The following EBF2 variants were observed in gnomAD, a reference collection of about 807,000 sequenced individuals.
EBF2 encodes transcription factor COE2.
EBF2 carries 21 observed loss-of-function variants against 72.8 expected under a neutral mutation model. That is an observed-to-expected ratio of 0.29 (90% confidence interval 0.20 to 0.42). The LOEUF (loss-of-function observed/expected upper bound fraction) is 0.42, where lower values mean the gene tolerates loss of function less well. EBF2 is among the 10% of genes least tolerant of loss of function. The probability of loss-of-function intolerance (pLI) is 1.00; values close to 1 mark genes in which losing one functional copy is unlikely to be tolerated. For synonymous variants in EBF2, 299 were observed against 274.2 expected (o/e 1.09, Z -0.89); for missense variants, 637 against 731.2 (o/e 0.87, Z 1.49).
At chr8:25,866,619 TTATATA>T (rs377309056) in intron 10 of EBF2, among the ~76,000 whole-genome samples, 44 of 117,324 alleles carry the variant, frequency 3.8e-4, no homozygotes, top group African/African-American at 1.6e-3. Context: ...TTATATTATA[TTATATA>T]TATATATATA....
chr8:25,883,700 T>A (rs1458544340), intron 10 of EBF2, among the ~76,000 whole-genome samples: 8 of 152,120 alleles, frequency 5.3e-5, no homozygotes, highest in Non-Finnish European at 1.0e-4. Context: ...ATTGAGATTG[T>A]TCTTTACTTC....
intron 10 of EBF2, 107 bp from the exon 11 acceptor site, chr8:25,862,904 T>A: frequency 1.6e-6 from 1 of 641,746 alleles, no homozygotes; most frequent in Non-Finnish European, 2.4e-6. Context: ...ATAATGGATG[T>A]AATCAGTTAG....
intron 6 of EBF2, among the ~76,000 whole-genome samples, chr8:26,004,928 A>G (rs1010323131): frequency 6.6e-6 from 1 of 151,690 alleles, no homozygotes; most frequent in African/African-American, 2.4e-5. Flanking sequence ...AATAGAACAG[A>G]ATTATCTTTA....
At chr8:25,936,328 C>G (rs1482995779) in intron 6 of EBF2, among the ~76,000 whole-genome samples, 1 of 152,170 alleles carries the variant, frequency 6.6e-6, no homozygotes, top group Non-Finnish European at 1.5e-5. Flanking sequence ...ACCCCCGATG[C>G]TCCAGGACGT....
chr8:25,878,228 T>C (rs1802553879), intron 10 of EBF2, among the ~76,000 whole-genome samples: 1 of 152,230 alleles, frequency 6.6e-6, no homozygotes, highest in Non-Finnish European at 1.5e-5. Context: ...AGAACCAGAA[T>C]GACTTTTTGT....
chr8:25,927,062 A>C lies in EBF2; in HGVS notation c.552-18507T>G, dbSNP rs1803398934. On this transcript the variant is annotated intron_variant, in intron 6 of 15. Coordinates refer to ENST00000520164, the MANE Select transcript of EBF2 (RefSeq NM_022659.4). ...AATCTAGGTGTTACACTGAAGGTAC[A>C]TCTACAAACTGGTTGACTCTAAGTA... Among the ~76,000 whole-genome samples the C allele has an allele frequency of 1.3e-5, 2 of 152,308 alleles. 1 individual carries two copies. Among genetic ancestry groups the C allele is most frequent in the Admixed American group, 1.3e-4 (2 of 15,302 alleles).
intron 10 of EBF2, among the ~76,000 whole-genome samples, chr8:25,864,471 C>T (rs1802267088): frequency 7.2e-6 from 1 of 138,120 alleles, no homozygotes; most frequent in Admixed American, 7.1e-5. Context: ...GAAAAACCAC[C>T]TCTATTCCAA....
At chr8:26,000,301 C>A (rs1804703555) in intron 6 of EBF2, among the ~76,000 whole-genome samples, 1 of 152,112 alleles carries the variant, frequency 6.6e-6, no homozygotes, top group Non-Finnish European at 1.5e-5. Flanking sequence ...CTAGCTACAC[C>A]ATCATCATCA....
intron 6 of EBF2, among the ~76,000 whole-genome samples, chr8:25,983,309 A>G (rs1054169110): frequency 2.0e-5 from 3 of 152,184 alleles, no homozygotes; most frequent in Non-Finnish European, 2.9e-5. Flanking sequence ...GTGGACTCAA[A>G]CGTGTAAAAA....
At chr8:25,908,752 C>T (rs970070161) in intron 6 of EBF2, among the ~76,000 whole-genome samples, 197 bp from the exon 7 acceptor site, 2 of 152,172 alleles carry the variant, frequency 1.3e-5, no homozygotes, top group Non-Finnish European at 2.9e-5. Context: ...AGCCCAGCAC[C>T]CGCTTCCCCA....
chr8:25,887,793 C>T (rs1181371647), intron 9 of EBF2, 49 bp downstream of exon 9: 2 of 1,484,352 alleles, frequency 1.3e-6, no homozygotes, highest in Admixed American at 2.3e-5. Context: ...CAGATCAAAA[C>T]AATCTTTGGG....
chr8:26,040,005 GC>G (rs1805571838), intron 5 of EBF2, 22 bp downstream of exon 5: 2 of 1,611,776 alleles, frequency 1.2e-6, no homozygotes, highest in Non-Finnish European at 1.7e-6. Flanking sequence ...CTCCAGGAAG[GC>G]CTGGGAAAAG....
chr8:25,987,041 C>T (rs952524801), intron 6 of EBF2, among the ~76,000 whole-genome samples: 9 of 124,392 alleles, frequency 7.2e-5, no homozygotes, highest in Non-Finnish European at 1.5e-4. Context: ...AGATTTTACC[C>T]TGGAATTAAA....
At chr8:25,888,839 C>A (rs1198917480) in intron 8 of EBF2, among the ~76,000 whole-genome samples, 1 of 152,158 alleles carries the variant, frequency 6.6e-6, no homozygotes, top group Non-Finnish European at 1.5e-5. Flanking sequence ...AAAACATGAG[C>A]CCCCTTTGAA....
chr8:25,879,562 G>C (rs1563386485), intron 10 of EBF2, among the ~76,000 whole-genome samples: 1 of 152,088 alleles, frequency 6.6e-6, no homozygotes, highest in Non-Finnish European at 1.5e-5. Flanking sequence ...TGAAACACTA[G>C]AGATACCAGA....
chr8:26,002,807 T>G (rs1019514790), intron 6 of EBF2, among the ~76,000 whole-genome samples: 1 of 150,494 alleles, frequency 6.6e-6, no homozygotes, highest in Non-Finnish European at 1.5e-5. Context: ...GTTGCAGATT[T>G]GATGTTAAAG....
chr8:26,004,622 C>T lies in EBF2; in HGVS notation c.551+28463G>A, dbSNP rs141800611. ...CCAGGGAGGCAGAGGTTGCAGTGAG[C>T]CAAGATCACCCCACTGCACTCCAGC... On this transcript the variant is annotated intron_variant, in intron 6 of 15. Transcript: ENST00000520164. Among the ~76,000 whole-genome samples, 483 of 141,756 alleles carry T rather than the reference C, an allele frequency of 3.4e-3. 4 individuals carry two copies. The highest frequency in any genetic ancestry group is 0.012 in the African/African-American group (452 of 37,766). 93.0% of individuals were successfully genotyped at this position (141,756 alleles called of 152,430 possible). A position where few individuals can be genotyped will look rare whatever the true frequency, so the allele number is the denominator to read the frequency against.
intron 6 of EBF2, among the ~76,000 whole-genome samples, chr8:25,983,085 C>T (rs966934270): frequency 2.0e-5 from 3 of 152,100 alleles, no homozygotes; most frequent in South Asian, 2.1e-4. Context: ...GCATCCCCTC[C>T]GCATGCACGA....
chr8:25,947,173 A>G (rs1037520292), intron 6 of EBF2, among the ~76,000 whole-genome samples: 10 of 152,140 alleles, frequency 6.6e-5, no homozygotes, highest in African/African-American at 1.9e-4. Flanking sequence ...CTCATGTGTC[A>G]TGGAAGGGAC....
Sources: gnomAD v4.1 joint callset for allele counts (sites outside exome capture counted in the v4.1 genomes callset) on GRCh38, gnomAD v4.1.1 for gene constraint, MANE v1.5 for transcripts, NCBI Gene and HGNC (gene_info 2026-07-23, HGNC 2026-07-21) for gene names.